The following SAMD5 variants were observed in gnomAD, a reference collection of about 807,000 sequenced individuals.
The protein encoded by SAMD5 is sterile alpha motif domain-containing protein 5.
Under a neutral mutation model 11.3 loss-of-function variants are expected in SAMD5, and 13 were observed. That is an observed-to-expected ratio of 1.15 (90% CI 0.75 to 1.83). The LOEUF (loss-of-function observed/expected upper bound fraction) is 1.83. Ranked by LOEUF, SAMD5 falls within the 40% of genes most tolerant of loss-of-function variation. The probability of loss-of-function intolerance (pLI) is 0.00; values close to 1 mark genes in which losing one functional copy is unlikely to be tolerated. For synonymous variants in SAMD5, 129 were observed against 111.3 expected (o/e 1.16, Z -1.00); for missense variants, 255 against 239.1 (o/e 1.07, Z -0.44).
chr6:147,909,632 CTCT>C, the SAMD5 span, among the ~76,000 whole-genome samples: 1 of 61,158 alleles, frequency 1.6e-5, no homozygotes, highest in African/African-American at 1.2e-4. Flanking sequence ...TTCTTTCTTT[CTCT>C]TTCTTGTCTT....
chr6:147,509,299 G>A lies in SAMD5; in HGVS notation c.371G>A (p.Ser124Asn), dbSNP rs1401290417. The A allele has an allele frequency of 6.3e-7, 1 of 1,575,874 alleles. No homozygotes were observed. The highest frequency in any genetic ancestry group is 8.6e-7 in the Non-Finnish European group (1 of 1,163,544). ...TTAPRSRELV[S>N]YPKLKLKIMI... The stretch of plus-strand genomic sequence containing the variant: ...GCCCCCCGCAGCAGGGAGCTGGTGA[G>A]CTACCCCAAACTGAAGCTGAAGATC... Residue 124 changes from serine (S) to asparagine (N), a missense_variant, in exon 1 of 2, where the codon AGC (serine) becomes AAC (asparagine). Transcript: ENST00000367474.
intron 1 of SAMD5, among the ~76,000 whole-genome samples, chr6:147,677,968 A>T (rs927623490): frequency 2.6e-5 from 4 of 152,150 alleles, no homozygotes; most frequent in African/African-American, 9.7e-5. Flanking sequence ...TGTAGAAAAG[A>T]TAAAGAATGG....
chr6:147,834,828 G>A, the SAMD5 span, among the ~76,000 whole-genome samples: 2 of 152,282 alleles, frequency 1.3e-5, no homozygotes, highest in South Asian at 4.1e-4. Context: ...GTAGTCATTG[G>A]CTTGATTCAA....
chr6:147,650,484 A>T (rs757752041), intron 1 of SAMD5, among the ~76,000 whole-genome samples: 3 of 152,252 alleles, frequency 2.0e-5, no homozygotes, highest in African/African-American at 4.8e-5. Context: ...GTAGCTGAAG[A>T]CGAGGCTGAA....
the SAMD5 span, among the ~76,000 whole-genome samples, chr6:147,817,837 G>A: frequency 1.3e-5 from 2 of 152,130 alleles, no homozygotes; most frequent in African/African-American, 2.4e-5. Flanking sequence ...TCCTGTTTGT[G>A]TCCTTCTAAC....
chr6:147,512,158 A>C (rs1788100179), intron 1 of SAMD5, among the ~76,000 whole-genome samples: 2 of 152,064 alleles, frequency 1.3e-5, no homozygotes, highest in Admixed American at 6.5e-5. Context: ...GGGTTTCACC[A>C]TGTTGGCCAG....
chr6:147,520,206 C>T (rs1336542940), intron 1 of SAMD5, among the ~76,000 whole-genome samples: 4 of 151,562 alleles, frequency 2.6e-5, no homozygotes, highest in Non-Finnish European at 5.9e-5. Context: ...CAACCTTCAC[C>T]TCCAAGGTTC....
rs147490308 is a variant in SAMD5 at position 147,678,722 on chromosome 6, G to T, written c.163-58595G>T. Among the ~76,000 whole-genome samples, 3 of 152,298 alleles carry T rather than the reference G, an allele frequency of 2.0e-5. No homozygotes were observed. In the East Asian group the frequency reaches 5.8e-4, roughly 29 times the overall value. ...AACGCCTTGAGAAATGGGAGTTCAT[G>T]GAAGAGGGAAGGGTTTTCTCACTGT... On this transcript the variant is annotated intron_variant, in intron 1 of 1. Coordinates refer to the SAMD5 transcript ENST00000566741.
At chr6:147,574,688 G>C (rs1789192295), downstream of SAMD5, among the ~76,000 whole-genome samples, 1 of 152,328 alleles carries the variant, frequency 6.6e-6, no homozygotes, top group African/African-American at 2.4e-5. Flanking sequence ...GGTGAGGGTT[G>C]CATTCTCCAG....
chr6:147,591,168 A>T (rs1263426639), intron 1 of SAMD5, among the ~76,000 whole-genome samples: 1 of 151,836 alleles, frequency 6.6e-6, no homozygotes, highest in Non-Finnish European at 1.5e-5. Context: ...AAAACCCAAG[A>T]TGGGGAAAAG....
At chr6:147,887,504 T>C in the SAMD5 span, among the ~76,000 whole-genome samples, 1 of 152,256 alleles carries the variant, frequency 6.6e-6, no homozygotes, top group Non-Finnish European at 1.5e-5. Flanking sequence ...GAACATGAAT[T>C]AATAGTTTAT....
intron 1 of SAMD5, among the ~76,000 whole-genome samples, chr6:147,604,999 T>A (rs1452179199): frequency 2.0e-5 from 3 of 152,238 alleles, no homozygotes; most frequent in South Asian, 2.1e-4. Flanking sequence ...CCTTGACCAC[T>A]AAAATAAGGA....
chr6:147,603,352 G>A (rs1789652020), intron 1 of SAMD5, among the ~76,000 whole-genome samples: 1 of 152,162 alleles, frequency 6.6e-6, no homozygotes, highest in Non-Finnish European at 1.5e-5. Context: ...ATGTTATACT[G>A]ATGGGTTTAT....
At chr6:147,887,235 A>G in the SAMD5 span, among the ~76,000 whole-genome samples, 2 of 152,236 alleles carry the variant, frequency 1.3e-5, no homozygotes, top group Non-Finnish European at 2.9e-5. Context: ...AATTCGGACT[A>G]CATATACACA....
chr6:147,718,795 A>T (rs1403056814), intron 1 of SAMD5, among the ~76,000 whole-genome samples: 2 of 151,972 alleles, frequency 1.3e-5, no homozygotes, highest in Non-Finnish European at 2.9e-5. Flanking sequence ...GGTTCAAGTG[A>T]TTCTCACGCC....
chr6:147,841,771 G>T, the SAMD5 span, among the ~76,000 whole-genome samples: 2 of 152,154 alleles, frequency 1.3e-5, no homozygotes, highest in Non-Finnish European at 2.9e-5. Flanking sequence ...GTGAGAGCTG[G>T]GGAGGGAGAG....
intron 1 of SAMD5, among the ~76,000 whole-genome samples, chr6:147,515,431 A>ACCATCCAT (rs58973849): frequency 2.3e-3 from 340 of 148,766 alleles, no homozygotes; most frequent in Middle Eastern, 0.01. Flanking sequence ...CTTCCATCCA[A>ACCATCCAT]CCATCCATCC....
the SAMD5 span, among the ~76,000 whole-genome samples, chr6:147,786,467 T>A: frequency 6.6e-6 from 1 of 152,012 alleles, no homozygotes; most frequent in East Asian, 1.9e-4. Context: ...TACTCCCTTG[T>A]GGTAAAGTTA....
chr6:147,518,750 T>C (rs892126353), intron 1 of SAMD5, among the ~76,000 whole-genome samples: 6 of 152,234 alleles, frequency 3.9e-5, no homozygotes, highest in African/African-American at 1.4e-4. Context: ...GAAAGGCTTG[T>C]TATTACTATT....
Sources: gnomAD v4.1 joint callset for allele counts (sites outside exome capture counted in the v4.1 genomes callset) on GRCh38, gnomAD v4.1.1 for gene constraint, MANE v1.5 for transcripts, NCBI Gene and HGNC (gene_info 2026-07-23, HGNC 2026-07-21) for gene names.